CHD7: variants seen among roughly 807,000 people sequenced by gnomAD.
The protein encoded by CHD7 is chromodomain helicase DNA binding protein 7.
In CHD7, 24 loss-of-function variants were observed where a neutral mutation model predicts 307.3. The ratio of observed to expected loss-of-function variants is 0.08; its 90% CI spans 0.06 to 0.11. The LOEUF (loss-of-function observed/expected upper bound fraction) is 0.11, where lower values mean the gene tolerates loss of function less well. CHD7 is among the 10% of genes least tolerant of loss of function. CHD7 has a pLI of 1.00. For synonymous variants in CHD7, 1,363 were observed against 1,349.9 expected (o/e 1.01, Z -0.21); for missense variants, 3,106 against 3,727.1 (o/e 0.83, Z 4.34).
chr8:60,746,107 C>G (rs778296343), intron 2 of CHD7, among the ~76,000 whole-genome samples: 9 of 152,194 alleles, frequency 5.9e-5, no homozygotes, highest in Non-Finnish European at 1.2e-4. Context: ...AATCTTGGCT[C>G]ACTGCAACCT....
At chr8:60,838,008 A>G in intron 18 of CHD7, 68 bp from the exon 19 acceptor site, 1 of 1,317,060 alleles carries the variant, frequency 7.6e-7, no homozygotes. Context: ...AAAATGCAGC[A>G]TTTGTTTAGT....
intron 1 of CHD7, among the ~76,000 whole-genome samples, chr8:60,732,064 C>G (rs144614915): frequency 6.6e-6 from 1 of 152,332 alleles, no homozygotes; most frequent in Non-Finnish European, 1.5e-5. Context: ...TAGACAAATT[C>G]TTTTCAGTTG....
rs538062124 is a variant in CHD7 at position 60,775,458 on chromosome 8, G to A, written c.1666-5542G>A. On this transcript the variant is annotated intron_variant, in intron 2 of 37. Transcript: ENST00000423902. ...ATATAAAGTTATATTTGTGCATAGT[G>A]TAATATACTATCTTTTGAAACATTT... is the stretch of plus-strand genomic sequence containing the variant. Among the ~76,000 whole-genome samples, 33 of 86,974 alleles carry A rather than the reference G, an allele frequency of 3.8e-4. 2 individuals are homozygous for A. The South Asian group carries it at 0.016, about 43-fold the overall frequency. 57.1% of individuals were successfully genotyped at this position (86,974 alleles called of 152,430 possible).
chr8:60,704,789 C>T (rs1806937846), intron 1 of CHD7, among the ~76,000 whole-genome samples: 1 of 152,120 alleles, frequency 6.6e-6, no homozygotes, highest in African/African-American at 2.4e-5. Flanking sequence ...GGCTGATATT[C>T]ATGGGGCCAC....
At chr8:60,844,184 A>G (rs774765162) in intron 21 of CHD7, among the ~76,000 whole-genome samples, 4 of 152,214 alleles carry the variant, frequency 2.6e-5, no homozygotes, top group Non-Finnish European at 4.4e-5. Flanking sequence ...TTAGCCTGGG[A>G]TTATAACACA....
chr8:60,814,410 CTAGAG>C (rs1803631979), intron 7 of CHD7, among the ~76,000 whole-genome samples: 1 of 152,184 alleles, frequency 6.6e-6, no homozygotes, highest in African/African-American at 2.4e-5. Flanking sequence ...AATTTGGAGA[CTAGAG>C]CAGATTATTT....
chr8:60,816,113 G>GTCTGTCTGTCTGTCTCTC (rs58405811), intron 7 of CHD7, among the ~76,000 whole-genome samples: 161 of 139,316 alleles, frequency 1.2e-3, no homozygotes, highest in African/African-American at 3.9e-3. Context: ...CTGTCTGTCT[G>GTCTGTCTGTCTGTCTCTC]TCTCTCTCTC....
In CHD7 at chr8:60,719,414, G is replaced by C. The variant is rs547790752; in HGVS notation, c.-174-21845G>C. Among the ~76,000 whole-genome samples, 7 of 152,228 alleles carry C rather than the reference G, an allele frequency of 4.6e-5. No individual in the cohort carries two copies. In the South Asian group the frequency reaches 1.5e-3, roughly 32 times the overall value. On this transcript the variant is annotated intron_variant, in intron 1 of 37. Coordinates refer to ENST00000423902, the MANE Select transcript of CHD7 (RefSeq NM_017780.4). ...TTGATTTTATGTCTTTAAAATATTTGAAACGTGTGGGGGCTCAAAGGTTTA... is the reference window on the plus strand; with the variant it reads ...TTGATTTTATGTCTTTAAAATATTTCAAACGTGTGGGGGCTCAAAGGTTTA...
At chr8:60,680,562 C>A (rs1024115186) in intron 1 of CHD7, among the ~76,000 whole-genome samples, 7 of 152,152 alleles carry the variant, frequency 4.6e-5, no homozygotes, top group African/African-American at 1.4e-4. Context: ...CGTGGGAGCG[C>A]ACCCCAAACT....
chr8:60,840,923 A>T (rs1226538795), intron 19 of CHD7, among the ~76,000 whole-genome samples: 1 of 152,134 alleles, frequency 6.6e-6, no homozygotes, highest in Non-Finnish European at 1.5e-5. Flanking sequence ...TGGCCTAAAG[A>T]ATATGTTTCT....
chr8:60,821,974 T>A (rs761660841), intron 10 of CHD7, 47 bp downstream of exon 10: 27 of 1,613,406 alleles, frequency 1.7e-5, no homozygotes, highest in Non-Finnish European at 2.1e-5. Flanking sequence ...AATAGCATAG[T>A]GGTGTGGTCT....
chr8:60,842,395 A>T (rs936964490), intron 21 of CHD7, among the ~76,000 whole-genome samples: 1 of 152,252 alleles, frequency 6.6e-6, no homozygotes, highest in African/African-American at 2.4e-5. Context: ...CATAAAATTT[A>T]TGACTGTCGT....
At chr8:60,753,436 G>A (rs1485276573) in intron 2 of CHD7, among the ~76,000 whole-genome samples, 1 of 152,122 alleles carries the variant, frequency 6.6e-6, no homozygotes, top group Non-Finnish European at 1.5e-5. Flanking sequence ...TCTTTCCTTA[G>A]ATGTGAGCTT....
In CHD7 at chr8:60,767,650, C is replaced by T. The variant is rs72650488; in HGVS notation, c.1666-13350C>T. Among the ~76,000 whole-genome samples, 281 of 152,310 alleles carry T rather than the reference C, an allele frequency of 1.8e-3. 1 individual carries two copies. Among genetic ancestry groups the T allele is most frequent in the Non-Finnish European group, 2.9e-3 (194 of 68,010 alleles). ...CCAGAGGCTTCCTGTCCTTAACTCC[C>T]TGAAGTCAATGCTGTCTCCCTGCCC... On this transcript the variant is annotated intron_variant, in intron 2 of 37. Coordinates refer to ENST00000423902, the MANE Select transcript of CHD7 (RefSeq NM_017780.4).
intron 7 of CHD7, among the ~76,000 whole-genome samples, chr8:60,812,440 T>C (rs1240319621): frequency 6.6e-6 from 1 of 151,968 alleles, no homozygotes; most frequent in African/African-American, 2.4e-5. Context: ...TGAGGCAGGC[T>C]GATCACGAGG....
chr8:60,807,470 C>T lies in CHD7; in HGVS notation c.2443-747C>T, dbSNP rs569669980. ...AATACCATCTGAACATCATCTTCTGCATACACTACAGCAGATAGGATTAAG... is the reference window on the plus strand; with the variant it reads ...AATACCATCTGAACATCATCTTCTGTATACACTACAGCAGATAGGATTAAG... On this transcript the variant is annotated intron_variant, in intron 6 of 37. Coordinates refer to ENST00000423902, the MANE Select transcript of CHD7 (RefSeq NM_017780.4). 2.9e-3 allele frequency among the ~76,000 whole-genome samples: 445 copies of T among 152,342 alleles called. 3 individuals are homozygous for T. Among genetic ancestry groups the T allele is most frequent in the African/African-American group, 0.01 (426 of 41,572 alleles).
Position 60,795,096 on chromosome 8 carries a change from C to G in CHD7, c.2207C>G (p.Pro736Arg). The change falls in exon 4 of 38, where the codon CCT becomes CGT. Residue 736 changes from proline (P) to arginine (R), a missense_variant. Physicochemically the swap from Pro to Arg is moderately radical, Grantham distance 103. This residue lies in a region of CHD7 where 998 missense variants were observed against 1,004.5 expected (regional missense o/e 0.99). Coordinates refer to ENST00000423902, the MANE Select transcript of CHD7 (RefSeq NM_017780.4). ...GACAAAACACCCCCACCATCTCCTC[C>G]TCCTGAAGAAGATGAGGACCCAGGT... is the stretch of plus-strand genomic sequence containing the variant. ...DLDKTPPPSP[P>R]PEEDEDPGVQ... 1 of 1,613,738 alleles carries G rather than the reference C, an allele frequency of 6.2e-7. No homozygotes were observed. Among genetic ancestry groups the G allele is most frequent in the African/African-American group, 1.3e-5 (1 of 75,026 alleles).
At chr8:60,710,275 A>G (rs1807220987) in intron 1 of CHD7, among the ~76,000 whole-genome samples, 1 of 151,462 alleles carries the variant, frequency 6.6e-6, no homozygotes, top group Non-Finnish European at 1.5e-5. Context: ...TGATAGTCCA[A>G]GTAGCTGTAT....
chr8:60,832,654 G>T (rs1804572197), intron 15 of CHD7, among the ~76,000 whole-genome samples: 1 of 152,208 alleles, frequency 6.6e-6, no homozygotes. Context: ...AGCAGGATGT[G>T]TGTGAAAGGG....
Sources: allele counts gnomAD v4.1 joint callset (sites outside exome capture counted in the v4.1 genomes callset), GRCh38; gene constraint gnomAD v4.1.1; regional missense constraint gnomAD v4.1.1; transcripts MANE v1.5; gene names NCBI Gene and HGNC (gene_info 2026-07-23, HGNC 2026-07-21).